NAV2: variants seen among roughly 807,000 people sequenced by gnomAD.
NAV2 encodes the protein helicase, APC down-regulated 1.
A neutral mutation model predicts 223.2 loss-of-function variants in NAV2; 54 were observed. The observed-to-expected ratio is 0.24, with a 90% confidence interval of 0.19 to 0.30. The LOEUF is 0.30. Ranked by LOEUF, NAV2 falls within the 10% of genes least tolerant of loss-of-function variation. The pLI, the probability that NAV2 is intolerant of heterozygous loss-of-function variation, is 1.00. For synonymous variants in NAV2, 1,279 were observed against 1,239.3 expected (o/e 1.03, Z -0.67); for missense variants, 2,806 against 3,147.5 (o/e 0.89, Z 2.60).
chr11:19,961,219 G>T (rs970867640), intron 10 of NAV2, among the ~76,000 whole-genome samples: 1 of 151,900 alleles, frequency 6.6e-6, no homozygotes, highest in Non-Finnish European at 1.5e-5. Context: ...CAAAATGCTG[G>T]GATTATAGGT....
At chr11:20,096,574 G>C (rs148406674) in intron 30 of NAV2, among the ~76,000 whole-genome samples, 2 of 152,344 alleles carry the variant, frequency 1.3e-5, no homozygotes, top group African/African-American at 4.8e-5. Context: ...CATGGATCTA[G>C]AATTAGACCC....
intron 1 of NAV2, among the ~76,000 whole-genome samples, chr11:19,677,152 C>A (rs1200315650): frequency 1.3e-5 from 2 of 152,230 alleles, no homozygotes; most frequent in Non-Finnish European, 2.9e-5. Flanking sequence ...TGATACTAAC[C>A]CCAGCCTGTA....
chr11:19,868,070 C>A (rs1203702248), intron 3 of NAV2, among the ~76,000 whole-genome samples: 1 of 152,014 alleles, frequency 6.6e-6, no homozygotes, highest in Non-Finnish European at 1.5e-5. Context: ...GTTGACGGAA[C>A]CTGGGAAGTA....
intron 1 of NAV2, among the ~76,000 whole-genome samples, chr11:19,696,227 C>T (rs561958439): frequency 6.6e-6 from 1 of 152,324 alleles, no homozygotes; most frequent in Admixed American, 6.5e-5. Context: ...AGAATAATTT[C>T]TGTCCTAGCA....
At chr11:19,588,192 C>T (rs2045955177) in intron 1 of NAV2, among the ~76,000 whole-genome samples, 1 of 152,200 alleles carries the variant, frequency 6.6e-6, no homozygotes, top group Non-Finnish European at 1.5e-5. Flanking sequence ...TCTGTTGACC[C>T]CAGAGTCCAC....
chr11:19,581,359 T>C (rs1449334880), intron 1 of NAV2, among the ~76,000 whole-genome samples: 1 of 152,188 alleles, frequency 6.6e-6, no homozygotes, highest in African/African-American at 2.4e-5. Flanking sequence ...CTTTTGAAAG[T>C]TTAAATTTAA....
chr11:19,962,019 G>A (rs2048383393), intron 10 of NAV2, among the ~76,000 whole-genome samples: 1 of 151,714 alleles, frequency 6.6e-6, no homozygotes, highest in Admixed American at 6.5e-5. Flanking sequence ...CATTGAGCAA[G>A]TCCAAAATCT....
At chr11:19,957,957 C>T (rs1411534069) in intron 10 of NAV2, among the ~76,000 whole-genome samples, 1 of 152,158 alleles carries the variant, frequency 6.6e-6, no homozygotes, top group Admixed American at 6.5e-5. Context: ...AGGGTTGGGC[C>T]TCGATTTCTT....
At chr11:19,389,822 G>A (rs1020823748) in intron 1 of NAV2, among the ~76,000 whole-genome samples, 4 of 152,054 alleles carry the variant, frequency 2.6e-5, no homozygotes, top group East Asian at 1.9e-4. Context: ...AAATTCTCTC[G>A]CCCAGCCCAC....
intron 1 of NAV2, among the ~76,000 whole-genome samples, chr11:19,729,624 T>C (rs2051566679): frequency 2.0e-5 from 3 of 152,162 alleles, no homozygotes; most frequent in African/African-American, 7.2e-5. Context: ...CCTGGAAGTA[T>C]AAAGTAGATT....
rs77708277 is a variant in NAV2, at chr11:19,954,653, C to T, written c.2645+5573C>T. ...ATTATTTGTTCATAAGAGGGTGCTTCGTGCTCTCATGCATCATTTGCATGT... is the reference window on the plus strand; with the variant it reads ...ATTATTTGTTCATAAGAGGGTGCTTTGTGCTCTCATGCATCATTTGCATGT... On this transcript the variant is annotated intron_variant, in intron 10 of 37. Transcript: ENST00000349880. Among the ~76,000 whole-genome samples, 571 of 152,202 alleles carry T rather than the reference C, an allele frequency of 3.8e-3. 1 individual carries two copies. The highest frequency in any genetic ancestry group is 0.013 in the African/African-American group (543 of 41,530).
chr11:19,361,803 T>C (rs1853967272), intron 1 of NAV2, among the ~76,000 whole-genome samples: 2 of 152,138 alleles, frequency 1.3e-5, no homozygotes, highest in South Asian at 2.1e-4. Flanking sequence ...AAAAAAAATC[T>C]AATTTCTGCT....
intron 1 of NAV2, among the ~76,000 whole-genome samples, chr11:19,585,242 C>T (rs538666813): frequency 6.6e-6 from 1 of 152,270 alleles, no homozygotes; most frequent in East Asian, 1.9e-4. Context: ...GTAGATCTTC[C>T]TCCATCCCTT....
intron 1 of NAV2, among the ~76,000 whole-genome samples, chr11:19,470,014 T>A (rs1391665237): frequency 6.6e-6 from 1 of 152,242 alleles, no homozygotes; most frequent in Non-Finnish European, 1.5e-5. Flanking sequence ...AGGCAGCCCT[T>A]GTGGTGGTTT....
intron 11 of NAV2, among the ~76,000 whole-genome samples, chr11:20,002,672 C>T (rs1357753269): frequency 1.3e-5 from 2 of 152,070 alleles, no homozygotes; most frequent in Non-Finnish European, 2.9e-5. Context: ...GAAATCCTAT[C>T]GTTGAAGGCC....
chr11:20,078,495 G>T (rs1385773152), intron 24 of NAV2, among the ~76,000 whole-genome samples: 1 of 152,106 alleles, frequency 6.6e-6, no homozygotes, highest in African/African-American at 2.4e-5. Flanking sequence ...CTCTTGCTCT[G>T]TCACCCAGGT....
At chr11:19,390,854 G>A (rs1376045806) in intron 1 of NAV2, among the ~76,000 whole-genome samples, 1 of 152,144 alleles carries the variant, frequency 6.6e-6, no homozygotes, top group Non-Finnish European at 1.5e-5. Flanking sequence ...TGTTAGGAAA[G>A]GCTGCCATTT....
intron 1 of NAV2, among the ~76,000 whole-genome samples, chr11:19,678,966 A>G (rs186351464): frequency 6.6e-6 from 1 of 152,348 alleles, no homozygotes; most frequent in Admixed American, 6.5e-5. Flanking sequence ...GGCATCTGTT[A>G]TGTTGACTAA....
intron 1 of NAV2, among the ~76,000 whole-genome samples, chr11:19,443,981 G>A (rs1260010475): frequency 6.6e-6 from 1 of 152,058 alleles, no homozygotes; most frequent in Non-Finnish European, 1.5e-5. Flanking sequence ...CCAAGCTGGA[G>A]TGGAGTGCAG....
Sources: gnomAD v4.1 joint callset for allele counts (sites outside exome capture counted in the v4.1 genomes callset) on GRCh38, gnomAD v4.1.1 for gene constraint, MANE v1.5 for transcripts, NCBI Gene and HGNC (gene_info 2026-07-23, HGNC 2026-07-21) for gene names.